Variants in MYH6 observed in about 807,000 individuals in gnomAD.
MYH6 encodes the protein myosin heavy chain 6, also known as myosin-6.
MYH6 carries 126 observed loss-of-function variants against 223.2 expected under a neutral mutation model. The observed-to-expected ratio is 0.56, with a 90% CI of 0.49 to 0.65. MYH6 has a LOEUF of 0.65. MYH6 is among the 30% of genes least tolerant of loss of function. The pLI, the probability that MYH6 is intolerant of heterozygous loss-of-function variation, is 0.00. For synonymous variants in MYH6, 978 were observed against 1,010.2 expected (o/e 0.97, Z 0.61); for missense variants, 2,040 against 2,536.4 (o/e 0.80, Z 4.20).
At chr14:23,404,504 C>A in intron 7 of MYH6, 116 bp from the exon 8 acceptor site, 1 of 1,287,710 alleles carries the variant, frequency 7.8e-7, no homozygotes, top group Non-Finnish European at 1.1e-6. Context: ...GGGTGAACCG[C>A]TAGTGGGTCT....
chr14:23,394,241 T>A lies in MYH6; in HGVS notation c.2512A>T (p.Ile838Phe). The change falls in exon 21 of 39, where the codon ATC (isoleucine) becomes TTC (phenylalanine). Residue 838 changes from isoleucine to phenylalanine, a missense_variant. Ile to Phe is a conservative substitution (Grantham distance 21). Transcript: ENST00000405093. Reference sequence around the variant, plus strand: ...TCTGCGCTCTTCAGCAGCGGCTTGATCTTGAAGTAGAGCTTCATCCAGGGC... The same window carrying A: ...TCTGCGCTCTTCAGCAGCGGCTTGAACTTGAAGTAGAGCTTCATCCAGGGC... ...NWPWMKLYFKIKPLLKSAETE... is the reference protein window; with the variant it reads ...NWPWMKLYFKFKPLLKSAETE... 6.2e-7 allele frequency: 1 copy of A among 1,614,188 alleles called. No homozygotes were observed. Among genetic ancestry groups the A allele is most frequent in the Non-Finnish European group, 8.5e-7 (1 of 1,180,044 alleles).
rs1371415701 is a variant in MYH6, at chr14:23,388,176, C to G, written c.4338G>C (p.Lys1446Asn). Residue 1446 changes from lysine (K) to asparagine (N), a missense_variant, in exon 30 of 39, where the codon AAG (lysine) becomes AAC (asparagine). Physicochemically the swap from Lys to Asn is moderately conservative, Grantham distance 94 (BLOSUM62 0). Around this residue, in one of 4 missense-constraint regions of MYH6, gnomAD observed 1,203 missense variants for 1,400.2 expected, o/e 0.86. Transcript: ENST00000405093. The stretch of plus-strand genomic sequence containing the variant: ...CCACCTTGTCAAAGTTTCTCTGCTT[C>G]TTGTCCAGGGCTGCAGCAGCAGCAT... ...RSNAAAAALD[K>N]KQRNFDKILA... The G allele has an allele frequency of 6.2e-7, 1 of 1,612,254 alleles. No individual in the cohort carries two copies. The highest frequency in any genetic ancestry group is 1.3e-5 in the African/African-American group (1 of 74,886).
intron 12 of MYH6, among the ~76,000 whole-genome samples, chr14:23,401,807 G>A (rs1891611396): frequency 6.6e-6 from 1 of 152,204 alleles, no homozygotes; most frequent in Non-Finnish European, 1.5e-5. Flanking sequence ...CACCCAACAT[G>A]GGTATTTCTC....
At chr14:23,397,323 G>A in intron 16 of MYH6, 66 bp from the exon 17 acceptor site, 1 of 1,470,438 alleles carries the variant, frequency 6.8e-7, no homozygotes, top group Non-Finnish European at 9.5e-7. Flanking sequence ...TTAAACCCTG[G>A]TCCCCAGACA....
chr14:23,403,268 G>A lies in MYH6; in HGVS notation c.898+80C>T, dbSNP rs1390132696. 2.5e-6 allele frequency: 3 copies of A among 1,193,968 alleles called. No individual in the cohort carries two copies. The East Asian group carries it at 7.0e-5, about 28-fold the overall frequency. 74.0% of individuals were successfully genotyped at this position (1,193,968 alleles called of 1,614,324 possible). On this transcript the variant is annotated intron_variant, in intron 10 of 38. Coordinates refer to ENST00000405093, the MANE Select transcript of MYH6 (RefSeq NM_002471.4). ...CAAGGTGGGGCACAGTGGGGAGCAGGAGGGCCCTGCCCTGCATGCAGGAGT... is the reference window on the plus strand; with the variant it reads ...CAAGGTGGGGCACAGTGGGGAGCAGAAGGGCCCTGCCCTGCATGCAGGAGT...
At position 23,397,262 on chromosome 14, in the gene MYH6, A is replaced by G; in HGVS notation, c.1963-5T>C. The G allele has an allele frequency of 6.2e-7, 1 of 1,613,818 alleles. No individual in the cohort carries two copies. Among genetic ancestry groups the G allele is most frequent in the East Asian group, 2.2e-5 (1 of 44,884 alleles). On this transcript the variant is annotated splice_region_variant and splice_polypyrimidine_tract_variant and intron_variant, in intron 16 of 38. Transcript: ENST00000405093. ...CATTAGCTTGTTGAGATTTTCCTGG[A>G]GGCAGATGAAGGTGGGGAGTTAGGA...
At chr14:23,404,875 A>T (rs1367863787) in intron 6 of MYH6, 53 bp from the exon 7 acceptor site, 1 of 1,561,522 alleles carries the variant, frequency 6.4e-7, no homozygotes, top group Non-Finnish European at 8.8e-7. Flanking sequence ...TTCTCCATAC[A>T]GGGCTCAGCA....
intron 12 of MYH6, 61 bp downstream of exon 12, chr14:23,402,403 C>T: frequency 5.0e-6 from 8 of 1,606,598 alleles, no homozygotes; most frequent in East Asian, 2.2e-5. Flanking sequence ...GGATCTGAGT[C>T]CCGCAGAGAG....
rs533086148 is a variant in MYH6, at chr14:23,401,616, C to G, written c.1142-639G>C. ...CACCTTCACCATATCCCTCGCCTCTCCAGGGCAAGGGTGTGGCTGAGGGGC... is the reference window on the plus strand; with the variant it reads ...CACCTTCACCATATCCCTCGCCTCTGCAGGGCAAGGGTGTGGCTGAGGGGC... On this transcript the variant is annotated intron_variant, in intron 12 of 38. Transcript: ENST00000405093. 2.6e-4 allele frequency among the ~76,000 whole-genome samples: 40 copies of G among 152,366 alleles called. No homozygotes were observed. In the South Asian group the frequency reaches 8.1e-3, roughly 31 times the overall value.
chr14:23,390,309 G>C lies in MYH6; in HGVS notation c.3480C>G (p.Ser1160=). ...ERLEEAGGAT[S]VQIEMNKKRE... is the part of the protein sequence containing the mutation. ...GCTTCTTGTTCATCTCGATCTGCAC[G>C]GACGTGGCCCCGCCGGCCTCTTCCA... is the stretch of plus-strand genomic sequence containing the variant. The change falls in exon 26 of 39, where the codon TCC becomes TCG. Residue 1160 remains serine, a synonymous_variant. Transcript: ENST00000405093. The C allele has an allele frequency of 3.1e-6, 5 of 1,606,074 alleles. No individual in the cohort carries two copies. Among genetic ancestry groups the C allele is most frequent in the Non-Finnish European group, 4.2e-6 (5 of 1,178,110 alleles).
Position 23,400,086 on chromosome 14 carries a change from G to A in MYH6, c.1581+170C>T, listed in dbSNP as rs116306451. On this transcript the variant is annotated intron_variant, in intron 14 of 38. Transcript: ENST00000405093. ...AGTGCAAGGTCCTGGGAAAGGAAGA[G>A]TGGGGGGATCATCCTGTTCATGCCC... The A allele has an allele frequency of 5.7e-4, 570 of 1,007,114 alleles. 1 individual carries two copies. The African/African-American group carries it at 7.3e-3, about 13-fold the overall frequency. 62.4% of individuals were successfully genotyped at this position (1,007,114 alleles called of 1,614,324 possible).
At chr14:23,392,120 T>C (rs1891250903) in intron 25 of MYH6, among the ~76,000 whole-genome samples, 1 of 152,022 alleles carries the variant, frequency 6.6e-6, no homozygotes, top group Admixed American at 6.5e-5. Flanking sequence ...ATGAGTGCCC[T>C]ATGGGGACTC....
Position 23,386,320 on chromosome 14 carries a change from G to A in MYH6, c.4954C>T (p.Leu1652=), listed in dbSNP as rs754904151. 4.3e-6 allele frequency: 7 copies of A among 1,613,998 alleles called. No homozygotes were observed. Among genetic ancestry groups the A allele is most frequent in the Non-Finnish European group, 5.1e-6 (6 of 1,180,034 alleles). Reference sequence around the variant, plus strand: ...GACCTCCCGCCCCCATGTACCTTCAGCAAGCTCTGGAGGCTCTTGACTTGC... The same window carrying A: ...GACCTCCCGCCCCCATGTACCTTCAACAAGCTCTGGAGGCTCTTGACTTGC... ...QKQVKSLQSL[L]KDTQIQLDDA... Residue 1652 remains leucine (L), a synonymous_variant, in exon 33 of 39, where the codon CTG becomes TTG. Coordinates refer to ENST00000405093, the MANE Select transcript of MYH6 (RefSeq NM_002471.4).
chr14:23,382,379 G>T, intron 38 of MYH6, 49 bp downstream of exon 38: 1 of 1,612,462 alleles, frequency 6.2e-7, no homozygotes, highest in Non-Finnish European at 8.5e-7. Context: ...CCATATCAGG[G>T]GGCATGCTAA....
chr14:23,393,496 A>T lies in MYH6; in HGVS notation c.2951T>A (p.Met984Lys). ...ENKVKNLTEE[M>K]AGLDEIIAKL... is the part of the protein sequence containing the mutation. Reference sequence around the variant, plus strand: ...AGCGATGATTTCATCCAGCCCAGCCATCTCCTCTGTTAGGTTCTTCACCTG... The same window carrying T: ...AGCGATGATTTCATCCAGCCCAGCCTTCTCCTCTGTTAGGTTCTTCACCTG... Residue 984 changes from methionine to lysine, a missense_variant, in exon 23 of 39, where the codon ATG becomes AAG. This residue lies in a region of MYH6 where 1,203 missense variants were observed against 1,400.2 expected (regional missense o/e 0.86). Coordinates refer to ENST00000405093, the MANE Select transcript of MYH6 (RefSeq NM_002471.4). 6.2e-7 allele frequency: 1 copy of T among 1,614,076 alleles called. No individual in the cohort carries two copies. Among genetic ancestry groups the T allele is most frequent in the Middle Eastern group, 1.7e-4 (1 of 6,044 alleles).
chr14:23,396,846 A>G (rs760582482), intron 18 of MYH6, 29 bp from the exon 19 acceptor site: 4 of 1,613,704 alleles, frequency 2.5e-6, no homozygotes, highest in Non-Finnish European at 3.4e-6. Flanking sequence ...AGAGTCACCC[A>G]TGCTCTGCAG....
intron 38 of MYH6, 47 bp downstream of exon 38, chr14:23,382,381 G>T: frequency 6.2e-7 from 1 of 1,612,604 alleles, no homozygotes; most frequent in Non-Finnish European, 8.5e-7. Flanking sequence ...ATATCAGGGG[G>T]CATGCTAATG....
Position 23,405,400 on chromosome 14 carries a change from G to A in MYH6, c.346-21C>T, listed in dbSNP as rs1467210248. On this transcript the variant is annotated intron_variant, in intron 4 of 38. Coordinates refer to ENST00000405093, the MANE Select transcript of MYH6 (RefSeq NM_002471.4). This position sits in a 1 kb window ranked among gnomAD's most constrained non-coding sequence, Gnocchi z 4.7. ...TAGGTCTGGAGCAGGAGACAAGGCTGGGCATGAGGTTGGTGGGGAGAGCCT... is the reference window on the plus strand; with the variant it reads ...TAGGTCTGGAGCAGGAGACAAGGCTAGGCATGAGGTTGGTGGGGAGAGCCT... 1 of 1,613,946 alleles carries A rather than the reference G, an allele frequency of 6.2e-7. No homozygotes were observed. Among genetic ancestry groups the A allele is most frequent in the Non-Finnish European group, 8.5e-7 (1 of 1,179,946 alleles).
At chr14:23,402,347 C>A in intron 12 of MYH6, 117 bp downstream of exon 12, 1 of 1,507,968 alleles carries the variant, frequency 6.6e-7, no homozygotes, top group Non-Finnish European at 9.0e-7. Flanking sequence ...CTGTCCCTCA[C>A]CATCCCACAA....
Sources: allele counts gnomAD v4.1 joint callset (sites outside exome capture counted in the v4.1 genomes callset), GRCh38; gene constraint gnomAD v4.1.1; regional missense constraint gnomAD v4.1.1; non-coding constraint Gnocchi (gnomAD v3.1); transcripts MANE v1.5; gene names NCBI Gene and HGNC (gene_info 2026-07-23, HGNC 2026-07-21).